Variants in CAMK1D observed in about 807,000 individuals in gnomAD.
CAMK1D encodes the protein calcium/calmodulin-dependent protein kinase type 1D.
CAMK1D carries 9 observed loss-of-function variants against 47.7 expected under a neutral mutation model. That is an observed-to-expected ratio of 0.19 (90% confidence interval 0.11 to 0.33). The LOEUF (loss-of-function observed/expected upper bound fraction) is 0.33, where lower values mean the gene tolerates loss of function less well. Among genes scored for constraint, CAMK1D ranks in the 10% least tolerant of loss-of-function variants. The pLI, the probability that CAMK1D is intolerant of heterozygous loss-of-function variation, is 1.00. For missense variants in CAMK1D, 291 were observed against 488.7 expected, an observed-to-expected ratio of 0.60 and a Z score of 3.81; for synonymous variants, 184 against 184.9, an observed-to-expected ratio of 0.99 and a Z score of 0.04.
At chr10:12,423,859 C>A (rs183333520) in intron 1 of CAMK1D, among the ~76,000 whole-genome samples, 2 of 152,280 alleles carry the variant, frequency 1.3e-5, no homozygotes, top group Admixed American at 6.5e-5. Flanking sequence ...TGGTGTGTAT[C>A]TGAAATGAGA....
At chr10:12,519,371 C>T (rs1454190227) in intron 1 of CAMK1D, among the ~76,000 whole-genome samples, 1 of 32,004 alleles carries the variant, frequency 3.1e-5, no homozygotes, top group African/African-American at 1.3e-4. Flanking sequence ...CCACCTCCCT[C>T]CCGGACGGGG....
At chr10:12,375,517 G>C (rs543890130) in intron 1 of CAMK1D, among the ~76,000 whole-genome samples, 1 of 152,334 alleles carries the variant, frequency 6.6e-6, no homozygotes, top group African/African-American at 2.4e-5. Flanking sequence ...CTGTGCTTGG[G>C]AAAGGGTGAG....
chr10:12,694,374 A>AATATAAAATATATATGTTATATATCAT (rs1833146899), intron 3 of CAMK1D, among the ~76,000 whole-genome samples: 1 of 68,962 alleles, frequency 1.5e-5, no homozygotes, highest in African/African-American at 5.9e-5. Flanking sequence ...TTATATATAA[A>AATATAAAATATATATGTTATATATCAT]ATATAAAATA....
chr10:12,385,429 A>G (rs1228397839), intron 1 of CAMK1D, among the ~76,000 whole-genome samples: 1 of 152,252 alleles, frequency 6.6e-6, no homozygotes, highest in African/African-American at 2.4e-5. Flanking sequence ...AAATGAATTA[A>G]GCATTGATAT....
intron 2 of CAMK1D, among the ~76,000 whole-genome samples, chr10:12,640,464 CTG>C (rs1374424599): frequency 1.3e-5 from 2 of 152,096 alleles, no homozygotes; most frequent in Admixed American, 6.5e-5. Context: ...ACATTAAGTA[CTG>C]TGTGTATGTT....
chr10:12,792,259 T>A (rs1838009484), intron 6 of CAMK1D, among the ~76,000 whole-genome samples: 1 of 151,356 alleles, frequency 6.6e-6, no homozygotes, highest in Admixed American at 6.6e-5. Flanking sequence ...GGCCATAGGC[T>A]TGTTGCAGTT....
chr10:12,734,159 C>G (rs898910251), intron 3 of CAMK1D, among the ~76,000 whole-genome samples: 3 of 150,402 alleles, frequency 2.0e-5, no homozygotes, highest in Non-Finnish European at 4.4e-5. Flanking sequence ...GAAACCCTGT[C>G]TGTACTAAAA....
At chr10:12,454,152 G>C (rs1360990124) in intron 1 of CAMK1D, among the ~76,000 whole-genome samples, 2 of 152,046 alleles carry the variant, frequency 1.3e-5, no homozygotes, top group African/African-American at 4.8e-5. Flanking sequence ...TTCTGTTTTT[G>C]AATTTAATTT....
rs190894749 is a variant in CAMK1D, at chr10:12,620,149, C to T, written c.225-46587C>T. ...TATTAAAAAATAAAGCTCTGCAGTC[C>T]GCAGTCCGGCCTGGGCGACAGAGCG... On this transcript the variant is annotated intron_variant, in intron 2 of 10. Transcript: ENST00000619168. 2.2e-3 allele frequency among the ~76,000 whole-genome samples: 301 copies of T among 135,076 alleles called. 1 individual carries two copies. The Middle Eastern group carries it at 0.045, about 20-fold the overall frequency. The allele number at this position is 135,076 out of a possible 152,430, so 88.6% of individuals were successfully genotyped here.
intron 1 of CAMK1D, among the ~76,000 whole-genome samples, chr10:12,527,705 A>G (rs985530839): frequency 5.3e-5 from 8 of 152,152 alleles, no homozygotes; most frequent in African/African-American, 1.9e-4. Flanking sequence ...AAGTCAAGAG[A>G]TAAAGGAGGA....
Position 12,828,756 on chromosome 10 carries a change from C to G in CAMK1D, c.1040-13C>G, listed in dbSNP as rs771000106. On this transcript the variant is annotated splice_polypyrimidine_tract_variant and intron_variant, in intron 10 of 10. Coordinates refer to ENST00000619168, the MANE Select transcript of CAMK1D (RefSeq NM_153498.4). ...TCTGAAACTCTGAAGCCCACTTCTG[C>G]TGTTCCCTGCAGGTCTGGCACCTTC... 6.2e-7 allele frequency: 1 copy of G among 1,603,940 alleles called. No individual in the cohort carries two copies. The highest frequency in any genetic ancestry group is 2.2e-5 in the East Asian group (1 of 44,804).
intron 2 of CAMK1D, among the ~76,000 whole-genome samples, chr10:12,646,005 A>G (rs1207363266): frequency 6.6e-6 from 1 of 150,734 alleles, no homozygotes; most frequent in African/African-American, 2.4e-5. Flanking sequence ...GAAACATTGT[A>G]AATAGTATTT....
chr10:12,615,966 A>G (rs992273286), intron 2 of CAMK1D, among the ~76,000 whole-genome samples: 1 of 145,404 alleles, frequency 6.9e-6, no homozygotes, highest in Non-Finnish European at 1.5e-5. Context: ...ATAGGTGTGT[A>G]TGTGTGCATG....
At chr10:12,697,964 A>G (rs920341358) in intron 3 of CAMK1D, among the ~76,000 whole-genome samples, 2 of 152,156 alleles carry the variant, frequency 1.3e-5, no homozygotes, top group Non-Finnish European at 2.9e-5. Context: ...ACTAAATCCT[A>G]TGAAGTCCAT....
intron 6 of CAMK1D, among the ~76,000 whole-genome samples, chr10:12,801,323 A>ATCTG (rs1838434282): frequency 8.8e-6 from 1 of 113,792 alleles, no homozygotes; most frequent in African/African-American, 4.1e-5. Flanking sequence ...CTATCTATCT[A>ATCTG]TCTATCTATC....
At chr10:12,516,941 G>A (rs1835228396) in intron 1 of CAMK1D, among the ~76,000 whole-genome samples, 1 of 152,142 alleles carries the variant, frequency 6.6e-6, no homozygotes, top group Admixed American at 6.5e-5. Context: ...GATTTGAATT[G>A]GGATTGCATC....
rs957364412 is a variant in CAMK1D, at chr10:12,522,964, G to C, written c.93-30261G>C. Among the ~76,000 whole-genome samples, 13 of 106,060 alleles carry C rather than the reference G, an allele frequency of 1.2e-4. 3 individuals carry two copies. Among genetic ancestry groups the C allele is most frequent in the African/African-American group, 4.6e-4 (13 of 28,278 alleles). The allele number at this position is 106,060 out of a possible 152,430, so 69.6% of individuals were successfully genotyped here. ...AGACGGGGCGGCTGGCCTGGTGGGGGCTGATCCCCATCTCCCTCCCAGATG... is the reference window on the plus strand; with the variant it reads ...AGACGGGGCGGCTGGCCTGGTGGGGCCTGATCCCCATCTCCCTCCCAGATG... On this transcript the variant is annotated intron_variant, in intron 1 of 10. Transcript: ENST00000619168.
intron 1 of CAMK1D, among the ~76,000 whole-genome samples, chr10:12,437,761 G>A (rs910636494): frequency 6.6e-6 from 1 of 152,186 alleles, no homozygotes; most frequent in Non-Finnish European, 1.5e-5. Context: ...GATCCACCAT[G>A]ATCGTATCAT....
At chr10:12,625,945 G>A (rs937120839) in intron 2 of CAMK1D, among the ~76,000 whole-genome samples, 1 of 152,090 alleles carries the variant, frequency 6.6e-6, no homozygotes. Context: ...CCTTGGGTTC[G>A]ATTTTTCTTG....
Sources: allele counts gnomAD v4.1 joint callset (sites outside exome capture counted in the v4.1 genomes callset), GRCh38; gene constraint gnomAD v4.1.1; transcripts MANE v1.5; gene names NCBI Gene and HGNC (gene_info 2026-07-23, HGNC 2026-07-21).